The following FRAS1 variants were observed in gnomAD, a reference collection of about 807,000 sequenced individuals.
FRAS1 encodes extracellular matrix organizing protein FRAS1.
Under a neutral mutation model 435.2 loss-of-function variants are expected in FRAS1, and 290 were observed. The ratio of observed to expected loss-of-function variants is 0.67; its 90% CI spans 0.61 to 0.73. The LOEUF (loss-of-function observed/expected upper bound fraction) is 0.73. Among genes scored for constraint, FRAS1 ranks in the 30% least tolerant of loss-of-function variants. FRAS1 has a pLI of 0.00. For synonymous variants in FRAS1, 1,800 were observed against 1,851.0 expected (o/e 0.97, Z 0.71); for missense variants, 4,860 against 5,001.5 (o/e 0.97, Z 0.85).
chr4:78,172,945 CT>C (rs1013601486), intron 2 of FRAS1, among the ~76,000 whole-genome samples: 11 of 151,948 alleles, frequency 7.2e-5, no homozygotes, highest in Non-Finnish European at 2.9e-5. Flanking sequence ...AAATAGTGCC[CT>C]TGCGGTCTCT....
Position 78,260,380 on chromosome 4 carries a change from G to A in FRAS1, c.604-4645G>A, listed in dbSNP as rs1219877283. Among the ~76,000 whole-genome samples the A allele has an allele frequency of 4.6e-5, 7 of 152,162 alleles. No homozygotes were observed. The East Asian group carries it at 1.2e-3, about 25-fold the overall frequency. On this transcript the variant is annotated intron_variant, in intron 6 of 73. Coordinates refer to ENST00000512123, the MANE Select transcript of FRAS1 (RefSeq NM_025074.7). The stretch of plus-strand genomic sequence containing the variant: ...TGTTTGTGTCCTCTTTTATTTCATC[G>A]ATCAGTGGTTTGTAGTTCTCCTTGA...
intron 6 of FRAS1, among the ~76,000 whole-genome samples, chr4:78,261,842 A>G (rs1216949752): frequency 2.0e-5 from 3 of 152,170 alleles, no homozygotes; most frequent in African/African-American, 7.2e-5. Context: ...CATAAAACTT[A>G]AATAAGTTTT....
At chr4:78,401,983 G>T (rs940373573) in intron 30 of FRAS1, among the ~76,000 whole-genome samples, 1 of 151,866 alleles carries the variant, frequency 6.6e-6, no homozygotes, top group Non-Finnish European at 1.5e-5. Context: ...TATGGAATAT[G>T]GGAGGAAATA....
intron 66 of FRAS1, among the ~76,000 whole-genome samples, chr4:78,518,441 T>TATATATAC (rs1721282928): frequency 1.5e-5 from 2 of 132,154 alleles, no homozygotes; most frequent in African/African-American, 3.1e-5. Context: ...TATATATATA[T>TATATATAC]ATATATATAT....
At chr4:78,521,463 G>T in intron 67 of FRAS1, 60 bp from the exon 68 acceptor site, 1 of 1,084,282 alleles carries the variant, frequency 9.2e-7, no homozygotes, top group Non-Finnish European at 1.4e-6. Context: ...ACTTATATGT[G>T]GTTGCTGTCA....
chr4:78,237,607 C>T lies in FRAS1; in HGVS notation c.206C>T (p.Ala69Val). 3 of 1,592,796 alleles carry T rather than the reference C, an allele frequency of 1.9e-6. No homozygotes were observed. The highest frequency in any genetic ancestry group is 2.6e-6 in the Non-Finnish European group (3 of 1,163,820). The stretch of plus-strand genomic sequence containing the variant: ...GCTGTTTGCAGAAACCCTCAATGTG[C>T]CTTTGAGAAGGTACGGTATCCTAAT... ...KPAVCRNPQCAFEKGEVLQIA... is the reference protein window; with the variant it reads ...KPAVCRNPQCVFEKGEVLQIA... Residue 69 changes from alanine (A) to valine (V), a missense_variant, in exon 3 of 74, where the codon GCC becomes GTC. Transcript: ENST00000512123.
Position 78,057,886 on chromosome 4 carries a change from G to A in FRAS1, c.-124G>A. On this transcript the variant is annotated 5_prime_UTR_variant, in exon 1 of 74. Coordinates refer to ENST00000512123, the MANE Select transcript of FRAS1 (RefSeq NM_025074.7). The surrounding 1 kb of genome is among the most constrained non-coding windows in gnomAD (Gnocchi z 4.2). ...GCCCGTCCATCTCTTTTTCCCGGAG[G>A]TAAAGGCCCGCGGTCCCCCACCTTC... 1 of 799,374 alleles carries A rather than the reference G, an allele frequency of 1.3e-6. No homozygotes were observed. Among genetic ancestry groups the A allele is most frequent in the African/African-American group, 1.7e-5 (1 of 58,426 alleles). The allele number at this position is 799,374 out of a possible 1,614,324, so 49.5% of individuals were successfully genotyped here.
chr4:78,175,201 T>C (rs1352346221), intron 2 of FRAS1, among the ~76,000 whole-genome samples: 2 of 152,236 alleles, frequency 1.3e-5, no homozygotes, highest in Non-Finnish European at 2.9e-5. Flanking sequence ...AGATTTACAT[T>C]TGGGCTCTTT....
At chr4:78,129,510 T>C in intron 2 of FRAS1, among the ~76,000 whole-genome samples, 1 of 137,638 alleles carries the variant, frequency 7.3e-6, no homozygotes, top group East Asian at 2.2e-4. Flanking sequence ...TGAAATTGAA[T>C]TAGAGAACTA....
intron 47 of FRAS1, among the ~76,000 whole-genome samples, chr4:78,456,239 A>T (rs60505267): frequency 0.74 from 109,817 of 148,904 alleles, 40,802 homozygotes; most frequent in African/African-American, 0.79. Flanking sequence ...CGCCTCCCAG[A>T]TCAAGTGATT....
At chr4:78,095,879 C>T (rs1741779380) in intron 2 of FRAS1, among the ~76,000 whole-genome samples, 2 of 152,174 alleles carry the variant, frequency 1.3e-5, no homozygotes, top group African/African-American at 4.8e-5. Flanking sequence ...CCACCCCGGC[C>T]CCTCCCAAAT....
chr4:78,484,868 T>C (rs1291305326), intron 58 of FRAS1, among the ~76,000 whole-genome samples: 4 of 152,330 alleles, frequency 2.6e-5, no homozygotes, highest in Admixed American at 2.0e-4. Context: ...TTCATCCTCC[T>C]TGCATTATAT....
intron 2 of FRAS1, among the ~76,000 whole-genome samples, chr4:78,119,331 C>G (rs950824636): frequency 6.6e-6 from 1 of 152,174 alleles, no homozygotes; most frequent in Non-Finnish European, 1.5e-5. Flanking sequence ...CTCTCCCTAT[C>G]CCTTCCTTCC....
chr4:78,093,289 A>T (rs976030094), intron 2 of FRAS1, among the ~76,000 whole-genome samples: 3 of 152,248 alleles, frequency 2.0e-5, no homozygotes, highest in Non-Finnish European at 4.4e-5. Flanking sequence ...AAAACTGTGC[A>T]GGCGCCATGA....
intron 34 of FRAS1, 136 bp from the exon 35 acceptor site, chr4:78,424,252 A>T (rs1733912654): frequency 2.2e-6 from 1 of 459,262 alleles, no homozygotes; most frequent in Admixed American, 4.2e-5. Context: ...TGACCTGGTG[A>T]TCTTTCCTTA....
At chr4:78,251,946 G>T (rs985727097) in intron 4 of FRAS1, among the ~76,000 whole-genome samples, 4 of 151,684 alleles carry the variant, frequency 2.6e-5, no homozygotes, top group South Asian at 2.1e-4. Context: ...AGACAGAAAG[G>T]GGGGAGTGGA....
In FRAS1 at chr4:78,162,384, A is replaced by T. The variant is rs961470179; in HGVS notation, c.109-75126A>T. Among the ~76,000 whole-genome samples, 24 of 152,326 alleles carry T rather than the reference A, an allele frequency of 1.6e-4. 1 individual carries two copies. Among genetic ancestry groups the T allele is most frequent in the African/African-American group, 5.3e-4 (22 of 41,566 alleles). ...AAAATTTGGTTTTAAGTGGGAAGGG[A>T]TAGAAACGGTACCATAAGAATTATT... On this transcript the variant is annotated intron_variant, in intron 2 of 73. Transcript: ENST00000512123.
At chr4:78,283,011 C>T in intron 12 of FRAS1, 44 bp downstream of exon 12, 2 of 1,360,126 alleles carry the variant, frequency 1.5e-6, no homozygotes, top group Non-Finnish European at 1.9e-6. Context: ...AGTTTTACTG[C>T]CAAAAAGCTC....
At chr4:78,483,007 G>C (rs1002795645) in intron 58 of FRAS1, among the ~76,000 whole-genome samples, 7 of 152,202 alleles carry the variant, frequency 4.6e-5, no homozygotes. Flanking sequence ...CCTATTTCAA[G>C]TGGAGACATA....
Sources: gnomAD v4.1 joint callset for allele counts (sites outside exome capture counted in the v4.1 genomes callset) on GRCh38, gnomAD v4.1.1 for gene constraint, Gnocchi (gnomAD v3.1) non-coding constraint, MANE v1.5 for transcripts, NCBI Gene and HGNC (gene_info 2026-07-23, HGNC 2026-07-21) for gene names.